FAM193A: variants seen among roughly 807,000 people sequenced by gnomAD.
FAM193A encodes the protein protein FAM193A.
A neutral mutation model predicts 126.5 loss-of-function variants in FAM193A; 22 were observed. That is an observed-to-expected ratio of 0.17 (90% CI 0.12 to 0.25). The LOEUF (loss-of-function observed/expected upper bound fraction) is 0.25, where lower values mean the gene tolerates loss of function less well. FAM193A is among the 10% of genes least tolerant of loss of function. The pLI, the probability that FAM193A is intolerant of heterozygous loss-of-function variation, is 1.00. For synonymous variants in FAM193A, 761 were observed against 646.8 expected (o/e 1.18, Z -2.68); for missense variants, 1,675 against 1,672.8 (o/e 1.00, Z -0.02).
intron 6 of FAM193A, among the ~76,000 whole-genome samples, chr4:2,644,265 C>T (rs1309812180): frequency 1.3e-5 from 2 of 152,092 alleles, no homozygotes; most frequent in African/African-American, 4.8e-5. Context: ...AATCTGAATT[C>T]TATAACTTGG....
rs190566861 is a variant in FAM193A at position 2,664,629 on chromosome 4, C to T, written c.2079+1341C>T. Among the ~76,000 whole-genome samples, 1,087 of 136,000 alleles carry T rather than the reference C, an allele frequency of 8.0e-3. 13 individuals carry two copies. The highest frequency in any genetic ancestry group is 0.026 in the African/African-American group (915 of 35,420). 89.2% of individuals were successfully genotyped at this position (136,000 alleles called of 152,430 possible). A position where few individuals can be genotyped will look rare whatever the true frequency, so the allele number is the denominator to read the frequency against. On this transcript the variant is annotated intron_variant, in intron 12 of 20. Transcript: ENST00000637812. ...TCACCCAGGCTGGAGTGCAGTGGCG[C>T]GATCTCGCCTCACTGCAACCTCTCC... is the stretch of plus-strand genomic sequence containing the variant.
At chr4:2,609,091 A>G (rs926030323) in intron 2 of FAM193A, among the ~76,000 whole-genome samples, 3 of 151,494 alleles carry the variant, frequency 2.0e-5, no homozygotes, top group Admixed American at 6.6e-5. Context: ...GTGGGGTTTC[A>G]TCGTGTTAGC....
chr4:2,702,636 C>T (rs1043051964), intron 19 of FAM193A, among the ~76,000 whole-genome samples: 1 of 152,160 alleles, frequency 6.6e-6, no homozygotes, highest in Non-Finnish European at 1.5e-5. Flanking sequence ...CTACAGTGAG[C>T]GTTCTCCCTT....
intron 2 of FAM193A, among the ~76,000 whole-genome samples, chr4:2,606,941 G>T (rs1218467401): frequency 6.6e-6 from 1 of 152,154 alleles, no homozygotes; most frequent in Non-Finnish European, 1.5e-5. Flanking sequence ...GCCTTGAAGT[G>T]ACGGACTCAT....
chr4:2,673,354 A>C (rs1468580919), intron 13 of FAM193A, among the ~76,000 whole-genome samples: 3 of 152,136 alleles, frequency 2.0e-5, no homozygotes, highest in Non-Finnish European at 1.5e-5. Context: ...TCTCCCCTCT[A>C]GGGGTCACTG....
chr4:2,551,875 C>T (rs564649471), intron 1 of FAM193A, among the ~76,000 whole-genome samples: 6 of 151,722 alleles, frequency 4.0e-5, no homozygotes, highest in East Asian at 3.9e-4. Context: ...GGGTCTTGTA[C>T]GGTCTCCTAG....
In FAM193A at chr4:2,569,918, C is replaced by T. The variant is rs571299676; in HGVS notation, c.256-26166C>T. ...ATTGTTCTGGGATTTATATATTTATCTCTAGAATTTTAGGATGGCAAATTG... is the reference window on the plus strand; with the variant it reads ...ATTGTTCTGGGATTTATATATTTATTTCTAGAATTTTAGGATGGCAAATTG... On this transcript the variant is annotated intron_variant, in intron 1 of 20. Coordinates refer to ENST00000637812, the MANE Select transcript of FAM193A (RefSeq NM_001366318.2). 3.3e-5 allele frequency among the ~76,000 whole-genome samples: 5 copies of T among 152,084 alleles called. No homozygotes were observed. The South Asian group carries it at 1.0e-3, about 31-fold the overall frequency.
At chr4:2,620,836 C>CAAAAAAAAAAAAAAAAAAAAAAAA (rs34305537) in intron 2 of FAM193A, among the ~76,000 whole-genome samples, 48 of 69,094 alleles carry the variant, frequency 6.9e-4, no homozygotes, top group Non-Finnish European at 1.0e-3. Context: ...AACTCCGTCT[C>CAAAAAAAAAAAAAAAAAAAAAAAA]AAAAAAAAAA....
chr4:2,581,222 A>G (rs1739912792), intron 1 of FAM193A, among the ~76,000 whole-genome samples: 1 of 148,474 alleles, frequency 6.7e-6, no homozygotes, highest in Admixed American at 6.7e-5. Context: ...TTCTGATACC[A>G]TATTCTCTCT....
intron 20 of FAM193A, among the ~76,000 whole-genome samples, chr4:2,729,372 G>A (rs1721121887): frequency 1.3e-5 from 2 of 152,102 alleles, no homozygotes; most frequent in African/African-American, 4.8e-5. Flanking sequence ...CCACCCCAAG[G>A]GAGGAATTGG....
chr4:2,579,234 C>G (rs1207032620), intron 1 of FAM193A, among the ~76,000 whole-genome samples: 2 of 152,056 alleles, frequency 1.3e-5, no homozygotes, highest in African/African-American at 4.8e-5. Context: ...GTGGCTCACG[C>G]CTGTAATCCC....
intron 4 of FAM193A, among the ~76,000 whole-genome samples, chr4:2,630,131 CAAA>C (rs34488841): frequency 1.9e-5 from 2 of 107,980 alleles, no homozygotes. Context: ...GACTCCATCT[CAAA>C]AAAAAAAAAA....
At chr4:2,641,786 A>T (rs181046447) in intron 6 of FAM193A, among the ~76,000 whole-genome samples, 2 of 152,120 alleles carry the variant, frequency 1.3e-5, no homozygotes, top group African/African-American at 4.8e-5. Context: ...AGAGAAAGCA[A>T]TTAGGTAAAA....
At position 2,695,141 on chromosome 4, in the gene FAM193A, A is replaced by T; in HGVS notation, c.3276+12A>T. ...TTGGGCACGGCGGGGTGAGTGCATG[A>T]GGTCAGCGCATCATGATGTGGGAAG... On this transcript the variant is annotated intron_variant, in intron 17 of 20. Coordinates refer to ENST00000637812, the MANE Select transcript of FAM193A (RefSeq NM_001366318.2). 6.4e-7 allele frequency: 1 copy of T among 1,570,652 alleles called. No individual in the cohort carries two copies. Among genetic ancestry groups the T allele is most frequent in the Non-Finnish European group, 8.6e-7 (1 of 1,157,872 alleles).
chr4:2,731,523 T>C (rs1250739040), intron 20 of FAM193A, among the ~76,000 whole-genome samples: 1 of 151,926 alleles, frequency 6.6e-6, no homozygotes, highest in Non-Finnish European at 1.5e-5. Context: ...AGCTCTCAGA[T>C]TAAACGTTTC....
rs765400128 is a variant in FAM193A, at chr4:2,693,831, C to A, written c.3049C>A (p.Pro1017Thr). 2.5e-6 allele frequency: 4 copies of A among 1,614,216 alleles called. No individual in the cohort carries two copies. The South Asian group carries it at 4.4e-5, about 18-fold the overall frequency. ...GAGTTTCTGTCCTGCACCCCTACCCCCGGCCACAGATGGCTCCATTAGCGC... is the reference window on the plus strand; with the variant it reads ...GAGTTTCTGTCCTGCACCCCTACCCACGGCCACAGATGGCTCCATTAGCGC... Reference protein sequence around the residue: ...RKSFCPAPLPPATDGSISAPP... With the variant: ...RKSFCPAPLPTATDGSISAPP... The change falls in exon 16 of 21, where the codon CCG becomes ACG. Residue 1017 changes from proline (P) to threonine (T), a missense_variant. Coordinates refer to ENST00000637812, the MANE Select transcript of FAM193A (RefSeq NM_001366318.2).
At chr4:2,638,093 AG>A (rs551829163) in intron 5 of FAM193A, among the ~76,000 whole-genome samples, 35 of 152,346 alleles carry the variant, frequency 2.3e-4, no homozygotes, top group African/African-American at 8.4e-4. Flanking sequence ...GAGGTTTCCA[AG>A]GGAGGCCAGG....
intron 3 of FAM193A, among the ~76,000 whole-genome samples, chr4:2,625,746 A>T (rs1446333860): frequency 4.4e-4 from 35 of 78,842 alleles, no homozygotes; most frequent in Middle Eastern, 0.014. Context: ...TTTTTTTTTG[A>T]GACAGGGTCT....
Position 2,553,457 on chromosome 4 carries a change from C to T in FAM193A, c.255+16287C>T, listed in dbSNP as rs183207572. On this transcript the variant is annotated intron_variant, in intron 1 of 20. Coordinates refer to ENST00000637812, the MANE Select transcript of FAM193A (RefSeq NM_001366318.2). ...GTGCAGTGGTGCGATTTCGGCTCAC[C>T]GCAACCTCTGCCTCCCGGGTTCAAG... 4.0e-5 allele frequency among the ~76,000 whole-genome samples: 6 copies of T among 149,926 alleles called. No homozygotes were observed. The South Asian group carries it at 6.4e-4, about 16-fold the overall frequency.
Sources: allele counts gnomAD v4.1 joint callset (sites outside exome capture counted in the v4.1 genomes callset), GRCh38; gene constraint gnomAD v4.1.1; transcripts MANE v1.5; gene names NCBI Gene and HGNC (gene_info 2026-07-23, HGNC 2026-07-21).